TTN: variants seen among roughly 807,000 people sequenced by gnomAD.
The protein encoded by TTN is connectin.
Under a neutral mutation model 3,223.0 loss-of-function variants are expected in TTN, and 1,525 were observed. The ratio of observed to expected loss-of-function variants is 0.47; its 90% CI spans 0.45 to 0.49. The LOEUF (loss-of-function observed/expected upper bound fraction) is 0.49, where lower values mean the gene tolerates loss of function less well. Among genes scored for constraint, TTN ranks in the 20% least tolerant of loss-of-function variants. The pLI is 0.00. For missense variants in TTN, 40,786 were observed against 43,424.0 expected (o/e 0.94, Z 5.40); for synonymous variants, 14,094 against 15,161.0 (o/e 0.93, Z 5.17).
intron 21 of TTN, 67 bp downstream of exon 21, chr2:178,781,054 G>A (rs867183229): frequency 6.2e-6 from 10 of 1,607,284 alleles, no homozygotes; most frequent in African/African-American, 1.3e-5. Context: ...TTCAGCAAAC[G>A]GACAGCACTG....
intron 33 of TTN, 146 bp from the exon 34 acceptor site, chr2:178,771,617 G>A: frequency 4.2e-6 from 5 of 1,201,526 alleles, no homozygotes; most frequent in Non-Finnish European, 5.9e-6. Flanking sequence ...CCCATATTGA[G>A]AAGGTACCAA....
Position 178,589,486 on chromosome 2 carries a change from T to A in TTN, c.62239A>T (p.Asn20747Tyr), listed in dbSNP as rs2049764957. 1 of 1,613,250 alleles carries A rather than the reference T, an allele frequency of 6.2e-7. No individual in the cohort carries two copies. The highest frequency in any genetic ancestry group is 8.5e-7 in the Non-Finnish European group (1 of 1,179,640). The change falls in exon 304 of 363, where the codon AAT (asparagine) becomes TAT (tyrosine). Residue 20747 changes from asparagine to tyrosine, a missense_variant. By Grantham distance (143) the Asn-to-Tyr change is moderately radical (BLOSUM62 -2). Transcript: ENST00000589042. ...QIYEFRVQTK[N>Y]EGGESDWVKT... ...ACCCAGTCACTTTCCCCACCTTCAT[T>A]CTTTGTTTGCACTCTGAACTCATAA...
chr2:178,658,778 T>C lies in TTN; in HGVS notation c.37470A>G (p.Pro12490=), dbSNP rs371171326. The C allele has an allele frequency of 3.1e-6, 5 of 1,599,626 alleles. No individual in the cohort carries two copies. Among genetic ancestry groups the C allele is most frequent in the Non-Finnish European group, 4.3e-6 (5 of 1,172,348 alleles). The change falls in exon 183 of 363, where the codon CCA becomes CCG. Residue 12490 remains proline, a synonymous_variant. Transcript: ENST00000589042. The stretch of plus-strand genomic sequence containing the variant: ...TCTTTTCTGGGACCACTTCCTTCGG[T>C]GGCAGCACTTCAGGCACTTCAAAGA... ...SPPPEVPEVL[P]PKEVVPEKKV...
intron 47 of TTN, chr2:178,746,897 C>G: frequency 6.2e-7 from 1 of 1,613,502 alleles, no homozygotes; most frequent in Non-Finnish European, 8.5e-7. Flanking sequence ...ATTGGGTGTA[C>G]CAAATGAATC....
chr2:178,785,638 C>G lies in TTN; in HGVS notation c.2475G>C (p.Lys825Asn), dbSNP rs372326722. ...HFTVSKISVP[K>N]TEHGYEASIA... is the part of the protein sequence containing the mutation. The stretch of plus-strand genomic sequence containing the variant: ...TTCTTACCTCATATCCATGTTCTGT[C>G]TTAGGAACAGAAATTTTTGAAACAG... Residue 825 changes from lysine (K) to asparagine (N), a missense_variant, in exon 15 of 363, where the codon AAG becomes AAC. By Grantham distance (94) the Lys-to-Asn change is moderately conservative. Coordinates refer to ENST00000589042, the MANE Select transcript of TTN (RefSeq NM_001267550.2). 1 of 1,613,968 alleles carries G rather than the reference C, an allele frequency of 6.2e-7. No individual in the cohort carries two copies. Among genetic ancestry groups the G allele is most frequent in the Non-Finnish European group, 8.5e-7 (1 of 1,179,990 alleles).
intron 47 of TTN, among the ~76,000 whole-genome samples, chr2:178,743,334 A>G (rs1226741999): frequency 3.3e-5 from 5 of 152,022 alleles, no homozygotes; most frequent in African/African-American, 1.2e-4. Flanking sequence ...CTTTATCCAG[A>G]ATCAGAGAAA....
intron 2 of TTN, among the ~76,000 whole-genome samples, chr2:178,802,827 T>C (rs2094134723): frequency 6.6e-6 from 1 of 152,214 alleles, no homozygotes; most frequent in Admixed American, 6.5e-5. Context: ...CTCCCTCCTC[T>C]GTGGTTACAG....
At chr2:178,606,935 G>C (rs2055035011) in intron 278 of TTN, 86 bp downstream of exon 278, 1 of 1,442,942 alleles carries the variant, frequency 6.9e-7, no homozygotes. Context: ...TGAGACTGTT[G>C]GGAGTTTGAA....
intron 232 of TTN, 34 bp downstream of exon 232, chr2:178,633,379 G>T: frequency 6.2e-7 from 1 of 1,613,078 alleles, no homozygotes; most frequent in Non-Finnish European, 8.5e-7. Flanking sequence ...TGCAGATTCA[G>T]ATAGGGTAAA....
intron 34 of TTN, 75 bp from the exon 35 acceptor site, chr2:178,770,750 T>C: frequency 1.3e-6 from 2 of 1,538,568 alleles, no homozygotes; most frequent in Admixed American, 1.7e-5. Context: ...AACAAGATCA[T>C]TGCTTACTCA....
chr2:178,774,127 G>A lies in TTN; in HGVS notation c.7058-17C>T, dbSNP rs572098454. On this transcript the variant is annotated splice_polypyrimidine_tract_variant and intron_variant, in intron 30 of 362. Transcript: ENST00000589042. ...TGGGGCGGGCTGTGAAATATGGGGA[G>A]AAAAAGAATGTTATGATCATTTTTT... is the stretch of plus-strand genomic sequence containing the variant. The A allele has an allele frequency of 6.6e-5, 106 of 1,614,058 alleles. No homozygotes were observed. Among genetic ancestry groups the A allele is most frequent in the Middle Eastern group, 3.3e-4 (2 of 6,060 alleles).
chr2:178,575,476 T>C lies in TTN; in HGVS notation c.70656A>G (p.Ala23552=), dbSNP rs372399881. 8.7e-6 allele frequency: 14 copies of C among 1,613,646 alleles called. No individual in the cohort carries two copies. The East Asian group carries it at 2.0e-4, about 23-fold the overall frequency. The change falls in exon 326 of 363, where the codon GCA becomes GCG. Residue 23552 remains alanine, a synonymous_variant. Coordinates refer to ENST00000589042, the MANE Select transcript of TTN (RefSeq NM_001267550.2). This position sits in a 1 kb window ranked among gnomAD's most constrained non-coding sequence, Gnocchi z 4.0. ...MDITKSTVSL[A]WPKPKHDGGS... is the part of the protein sequence containing the mutation. ...CACCATCGTGTTTGGGCTTAGGCCA[T>C]GCCAGGCTGACGGTGCTCTTAGTTA...
At chr2:178,723,825 A>T in intron 73 of TTN, 31 bp downstream of exon 73, 1 of 1,568,046 alleles carries the variant, frequency 6.4e-7, no homozygotes, top group South Asian at 1.2e-5. Flanking sequence ...AATTTGTAAG[A>T]AATTCCTTAC....
chr2:178,642,198 T>C, intron 219 of TTN, 39 bp downstream of exon 219: 1 of 1,484,506 alleles, frequency 6.7e-7, no homozygotes, highest in Non-Finnish European at 9.1e-7. Context: ...ATTTTTAAAA[T>C]ATACTTAACG....
At position 178,683,229 on chromosome 2, in the gene TTN, C is replaced by T. The variant is rs1185792802; in HGVS notation, c.32869G>A (p.Glu10957Lys). ...EKVSIEAPKR[E>K]PQPIKEVTIM... ...AATATACCTTTGATGGGTTGAGGTT[C>T]TCTTTTTGGAGCTTCAATTGATACT... Residue 10957 changes from glutamate (E) to lysine (K), a missense_variant, in exon 134 of 363, where the codon GAA (glutamate) becomes AAA (lysine). By Grantham distance (56) the Glu-to-Lys change is moderately conservative. Transcript: ENST00000589042. 1.9e-6 allele frequency: 3 copies of T among 1,552,402 alleles called. No individual in the cohort carries two copies. The highest frequency in any genetic ancestry group is 3.9e-5 in the Admixed American group (2 of 51,326).
chr2:178,615,597 A>G, intron 258 of TTN, 44 bp downstream of exon 258: 1 of 1,610,488 alleles, frequency 6.2e-7, no homozygotes, highest in Non-Finnish European at 8.5e-7. Context: ...AAAAGCAAAA[A>G]CAGGCAACAA....
At chr2:178,744,853 A>G in intron 47 of TTN, 1 of 985,244 alleles carries the variant, frequency 1.0e-6, no homozygotes, top group Non-Finnish European at 1.2e-6. Context: ...GTATCTCCAA[A>G]AGTGGAAAGA....
At chr2:178,598,474 T>A in intron 292 of TTN, 32 bp downstream of exon 292, 1 of 1,594,938 alleles carries the variant, frequency 6.3e-7, no homozygotes, top group Non-Finnish European at 8.5e-7. Context: ...AGTTTATTCA[T>A]AGTGCATTTC....
At position 178,604,755 on chromosome 2, in the gene TTN, C is replaced by T; in HGVS notation, c.54334G>A (p.Ala18112Thr). ...GTGTTGGTGACTTCCTCCCATTCTG[C>T]TTTCTTCCTACTTGCATCACGTTTG... is the stretch of plus-strand genomic sequence containing the variant. Reference protein sequence around the residue: ...IDKRDASRKKAEWEEVTNTAV... With the variant: ...IDKRDASRKKTEWEEVTNTAV... Residue 18112 changes from alanine (A) to threonine (T), a missense_variant, in exon 281 of 363, where the codon GCA becomes ACA. Ala to Thr is a moderately conservative substitution (Grantham distance 58). Transcript: ENST00000589042. The T allele has an allele frequency of 1.2e-6, 2 of 1,612,092 alleles. No individual in the cohort carries two copies. The highest frequency in any genetic ancestry group is 1.7e-6 in the Non-Finnish European group (2 of 1,178,848).
Sources: gnomAD v4.1 joint callset for allele counts (sites outside exome capture counted in the v4.1 genomes callset) on GRCh38, gnomAD v4.1.1 for gene constraint, Gnocchi (gnomAD v3.1) non-coding constraint, MANE v1.5 for transcripts, NCBI Gene and HGNC (gene_info 2026-07-23, HGNC 2026-07-21) for gene names.